The following FAM47E variants were observed in gnomAD, a reference collection of about 807,000 sequenced individuals.
FAM47E encodes family with sequence similarity 47 member E, also known as protein FAM47E.
In FAM47E, 32 loss-of-function variants were observed where a neutral mutation model predicts 41.6. That is an observed-to-expected ratio of 0.77 (90% CI 0.58 to 1.03). The LOEUF is 1.03. FAM47E is among the 50% of genes least tolerant of loss of function. The pLI, the probability that FAM47E is intolerant of heterozygous loss-of-function variation, is 0.00. For missense variants in FAM47E, 424 were observed against 485.4 expected, an observed-to-expected ratio of 0.87 and a Z score of 1.19; for synonymous variants, 184 against 188.7, an observed-to-expected ratio of 0.98 and a Z score of 0.20.
At position 76,280,258 on chromosome 4, in the gene FAM47E, T is replaced by G. The variant is rs779860397; in HGVS notation, c.1027-6T>G. On this transcript the variant is annotated splice_region_variant and splice_polypyrimidine_tract_variant and intron_variant, in intron 6 of 7. Coordinates refer to ENST00000424749, the MANE Select transcript of FAM47E (RefSeq NM_001136570.3). ...CCCCTTTCTTCAAATGTGGGTACTC[T>G]TTTAGGAGGAGTTACTTGCAGACCT... 3.2e-5 allele frequency: 50 copies of G among 1,543,196 alleles called. No homozygotes were observed. The highest frequency in any genetic ancestry group is 3.0e-4 in the South Asian group (25 of 83,746).
exon 1 of FAM47E, chr4:76,214,324 T>G (rs1294214185): frequency 4.4e-6 from 2 of 455,008 alleles, no homozygotes; most frequent in African/African-American, 2.0e-5. Context: ...CACATTGAAC[T>G]GGGGCCTGGG....
At chr4:76,267,250 A>G (rs906406066) in intron 3 of FAM47E, among the ~76,000 whole-genome samples, 3 of 152,230 alleles carry the variant, frequency 2.0e-5, no homozygotes, top group Non-Finnish European at 4.4e-5. Flanking sequence ...TACAGGGGCT[A>G]TGAATAAAGA....
chr4:76,270,732 T>C (rs1734849810), intron 4 of FAM47E, among the ~76,000 whole-genome samples: 1 of 152,192 alleles, frequency 6.6e-6, no homozygotes, highest in Non-Finnish European at 1.5e-5. Context: ...CTCCCATCTT[T>C]ACTGTCATCC....
intron 3 of FAM47E, among the ~76,000 whole-genome samples, chr4:76,267,111 T>C (rs1421868157): frequency 6.6e-6 from 1 of 152,250 alleles, no homozygotes; most frequent in Non-Finnish European, 1.5e-5. Context: ...TTCAGTTGTA[T>C]ACTCTATGAG....
At chr4:76,253,236 G>A (rs1734046240) in intron 1 of FAM47E, among the ~76,000 whole-genome samples, 1 of 152,198 alleles carries the variant, frequency 6.6e-6, no homozygotes, top group Non-Finnish European at 1.5e-5. Flanking sequence ...GTTCCTTGGT[G>A]TGGATGTACC....
intron 2 of FAM47E, among the ~76,000 whole-genome samples, chr4:76,244,102 A>G (rs186660252): frequency 1.2e-3 from 190 of 152,340 alleles, no homozygotes; most frequent in African/African-American, 4.4e-3. Context: ...ATAGTATTCC[A>G]TGGTGTATAT....
chr4:76,237,225 G>A (rs1014668575), intron 2 of FAM47E, among the ~76,000 whole-genome samples: 3 of 151,982 alleles, frequency 2.0e-5, no homozygotes, highest in African/African-American at 7.2e-5. Context: ...TTTAAAGTCT[G>A]TGTTGATGTT....
chr4:76,279,722 A>G (rs11933305), intron 6 of FAM47E: 53,454 of 152,330 alleles, frequency 0.35, 10,158 homozygotes, highest in Admixed American at 0.41. Flanking sequence ...AACTATGACA[A>G]CATGACTGTC....
chr4:76,268,408 T>A lies in FAM47E; in HGVS notation c.561-252T>A, dbSNP rs151262269. The stretch of plus-strand genomic sequence containing the variant: ...GTTTTAATAAATGGTACTCAAAATT[T>A]AAAAAAATCAACTTATAATGGTAAA... On this transcript the variant is annotated intron_variant, in intron 3 of 7. Coordinates refer to ENST00000424749, the MANE Select transcript of FAM47E (RefSeq NM_001136570.3). 9.8e-5 allele frequency: 35 copies of A among 358,548 alleles called. 1 individual carries two copies. In the East Asian group the frequency reaches 2.0e-3, roughly 20 times the overall value. The allele number at this position is 358,548 out of a possible 1,614,324, so 22.2% of individuals were successfully genotyped here.
chr4:76,220,098 TCA>T (rs1252033656), intron 2 of FAM47E, among the ~76,000 whole-genome samples: 1 of 152,178 alleles, frequency 6.6e-6, no homozygotes, highest in Non-Finnish European at 1.5e-5. Context: ...GAGATGCAAA[TCA>T]CAGTTCTTTA....
At chr4:76,226,335 G>A (rs1338566974) in intron 2 of FAM47E, among the ~76,000 whole-genome samples, 4 of 152,206 alleles carry the variant, frequency 2.6e-5, no homozygotes, top group African/African-American at 9.7e-5. Flanking sequence ...AGCTGTCACA[G>A]TTTAGCATTA....
intron 5 of FAM47E, among the ~76,000 whole-genome samples, chr4:76,274,435 G>A (rs1383012713): frequency 6.6e-6 from 1 of 152,160 alleles, no homozygotes; most frequent in African/African-American, 2.4e-5. Context: ...AAAGAAATTA[G>A]CTGGATGTGG....
intron 3 of FAM47E, 76 bp downstream of exon 3, chr4:76,263,919 C>G (rs1333742471): frequency 2.0e-6 from 3 of 1,502,626 alleles, no homozygotes; most frequent in Non-Finnish European, 2.7e-6. Context: ...CTTAAAACTT[C>G]TCATCTTTAG....
At chr4:76,242,795 G>A (rs1733738574) in intron 2 of FAM47E, among the ~76,000 whole-genome samples, 9 of 152,076 alleles carry the variant, frequency 5.9e-5, no homozygotes. Context: ...TATTTTTTAT[G>A]TGGAGCTAAA....
At chr4:76,261,083 T>G (rs892283476) in intron 2 of FAM47E, among the ~76,000 whole-genome samples, 1 of 151,284 alleles carries the variant, frequency 6.6e-6, no homozygotes, top group Non-Finnish European at 1.5e-5. Flanking sequence ...ACATCAGTAA[T>G]CATCAGAGAA....
chr4:76,253,013 A>G (rs1734038902), intron 1 of FAM47E, among the ~76,000 whole-genome samples: 1 of 152,192 alleles, frequency 6.6e-6, no homozygotes, highest in Admixed American at 6.5e-5. Context: ...AACTCTTAGT[A>G]TTACCCCTTT....
chr4:76,216,271 G>A (rs548850978), intron 1 of FAM47E, among the ~76,000 whole-genome samples: 3 of 152,250 alleles, frequency 2.0e-5, no homozygotes, highest in South Asian at 2.1e-4. Flanking sequence ...CTAGGCATTG[G>A]TTGAAGTCCT....
rs143368374 is a variant in FAM47E at position 76,221,610 on chromosome 4, G to A, written c.81+3922G>A. On this transcript the variant is annotated intron_variant, in intron 2 of 7. Transcript: ENST00000510197. ...GCTGGGATTACAGGCATGAGCCACC[G>A]CACCCGGCCTATTCCCCATTATTTC... Among the ~76,000 whole-genome samples, 541 of 152,144 alleles carry A rather than the reference G, an allele frequency of 3.6e-3. 6 individuals carry two copies. Among genetic ancestry groups the A allele is most frequent in the African/African-American group, 0.013 (519 of 41,486 alleles).
chr4:76,261,602 A>G (rs901445640), intron 2 of FAM47E, among the ~76,000 whole-genome samples: 1 of 152,194 alleles, frequency 6.6e-6, no homozygotes, highest in African/African-American at 2.4e-5. Context: ...GTTCTTGCTT[A>G]TAAGTGGGAG....
Sources: gnomAD v4.1 joint callset for allele counts (sites outside exome capture counted in the v4.1 genomes callset) on GRCh38, gnomAD v4.1.1 for gene constraint, MANE v1.5 for transcripts, NCBI Gene and HGNC (gene_info 2026-07-23, HGNC 2026-07-21) for gene names.